PAGR1: variants seen among roughly 807,000 people sequenced by gnomAD.
PAGR1 encodes PAXIP1 associated glutamate rich protein 1, also known as PAXIP1-associated glutamate-rich protein 1.
PAGR1 carries 20 observed loss-of-function variants against 22.4 expected under a neutral mutation model. That is an observed-to-expected ratio of 0.89 (90% CI 0.63 to 1.30). The LOEUF (loss-of-function observed/expected upper bound fraction) is 1.30, where lower values mean the gene tolerates loss of function less well. PAGR1 is among the 50% of genes most tolerant of loss of function. PAGR1 has a pLI of 0.00. For missense variants in PAGR1, 338 were observed against 343.6 expected (o/e 0.98, Z 0.13); for synonymous variants, 161 against 148.3 (o/e 1.09, Z -0.62).
chr16:29,816,630 T>C lies in PAGR1; in HGVS notation c.105T>C (p.Asp35=). 6.5e-7 allele frequency: 1 copy of C among 1,533,012 alleles called. No individual in the cohort carries two copies. The highest frequency in any genetic ancestry group is 8.7e-7 in the Non-Finnish European group (1 of 1,143,818). The allele number at this position is 1,533,012 out of a possible 1,614,324, so 95.0% of individuals were successfully genotyped here. The change falls in exon 1 of 3, where the codon GAT becomes GAC. Residue 35 remains aspartate (D), a synonymous_variant. Coordinates refer to ENST00000320330, the MANE Select transcript of PAGR1 (RefSeq NM_024516.4). Reference sequence around the variant, plus strand: ...GCCTCCAGGCTCTGGCCGTGGAGGATACCGGAGGCCCCTCTGCCTCGGCCG... The same window carrying C: ...GCCTCCAGGCTCTGGCCGTGGAGGACACCGGAGGCCCCTCTGCCTCGGCCG... ...TSGLQALAVE[D]TGGPSASAGK...
chr16:29,817,410 GGA>G (rs1900273072), intron 2 of PAGR1, 118 bp downstream of exon 2: 6 of 875,212 alleles, frequency 6.9e-6, no homozygotes, highest in Admixed American at 4.1e-5. Context: ...TACAGCTGCA[GGA>G]GAGAGTATTC....
intron 1 of PAGR1, 38 bp from the exon 2 acceptor site, chr16:29,817,172 G>T: frequency 6.2e-7 from 1 of 1,613,180 alleles, no homozygotes; most frequent in South Asian, 1.1e-5. Flanking sequence ...GTGGGAGGGA[G>T]GACCGCCCTC....
intron 1 of PAGR1, 60 bp downstream of exon 1, chr16:29,817,067 G>T (rs1168736472): frequency 6.4e-7 from 1 of 1,555,604 alleles, no homozygotes. Flanking sequence ...GGAGGAAATA[G>T]GGAGGGGAAA....
rs780031691 is a variant in PAGR1 at position 29,816,962 on chromosome 16, A to C, written c.437A>C (p.Glu146Ala). 6.4e-7 allele frequency: 1 copy of C among 1,571,312 alleles called. No individual in the cohort carries two copies. The highest frequency in any genetic ancestry group is 8.6e-7 in the Non-Finnish European group (1 of 1,160,378). Residue 146 changes from glutamate to alanine, a missense_variant, in exon 1 of 3, where the codon GAG becomes GCG. Glu to Ala is a moderately radical substitution (Grantham distance 107). Around this residue, in one of 3 missense-constraint regions of PAGR1, gnomAD observed 235 missense variants for 216.0 expected, o/e 1.09. Transcript: ENST00000320330. ...ACGCCGGAGGCCCAGAGCGAAGAGGAGAGATCCGATGAGGAGCCGGAGGCC... is the reference window on the plus strand; with the variant it reads ...ACGCCGGAGGCCCAGAGCGAAGAGGCGAGATCCGATGAGGAGCCGGAGGCC... ...PPTPEAQSEE[E>A]RSDEEPEAKE...
At position 29,819,622 on chromosome 16, in the gene PAGR1, C is replaced by T. The variant is rs1900319885; in HGVS notation, c.633C>T (p.His211=). Residue 211 remains histidine (H), a synonymous_variant, in exon 3 of 3, where the codon CAC becomes CAT. Transcript: ENST00000320330. The stretch of plus-strand genomic sequence containing the variant: ...AGGTGCTGTCGGACATGAAGAGACA[C>T]AAGAAGCTGGAGGAGCAGATCCTTC... ...LDKVLSDMKR[H]KKLEEQILRT... The T allele has an allele frequency of 6.2e-7, 1 of 1,614,140 alleles. No homozygotes were observed. The highest frequency in any genetic ancestry group is 8.5e-7 in the Non-Finnish European group (1 of 1,180,038).
chr16:29,822,116 C>T lies in PAGR1; in HGVS notation c.*2362C>T, dbSNP rs1346546668. On this transcript the variant is annotated 3_prime_UTR_variant, in exon 3 of 3. Coordinates refer to ENST00000320330, the MANE Select transcript of PAGR1 (RefSeq NM_024516.4). Reference sequence around the variant, plus strand: ...TTTTTTTTTTTTTAAAGAATTATAGCTCAGTCCTATGATTAGGCAAGTTGA... The same window carrying T: ...TTTTTTTTTTTTTAAAGAATTATAGTTCAGTCCTATGATTAGGCAAGTTGA... Among the ~76,000 whole-genome samples the T allele has an allele frequency of 6.7e-6, 1 of 149,282 alleles. No homozygotes were observed. Among genetic ancestry groups the T allele is most frequent in the South Asian group, 2.1e-4 (1 of 4,708 alleles).
rs186508885 is a variant in PAGR1, at chr16:29,818,718, C to T, written c.566-837C>T. On this transcript the variant is annotated intron_variant, in intron 2 of 2. Coordinates refer to ENST00000320330, the MANE Select transcript of PAGR1 (RefSeq NM_024516.4). ...CTGGGATTACAAGGACACGTCACCA[C>T]GCCTAGCTAATTTTTGTATTTTCTA... Among the ~76,000 whole-genome samples, 247 of 152,248 alleles carry T rather than the reference C, an allele frequency of 1.6e-3. 1 individual carries two copies. The highest frequency in any genetic ancestry group is 6.1e-3 in the Admixed American group (93 of 15,288).
Position 29,822,445 on chromosome 16 carries a change from A to G in PAGR1, c.*2691A>G, listed in dbSNP as rs1443582952. 1.3e-5 allele frequency: 2 copies of G among 152,194 alleles called. No individual in the cohort carries two copies. The highest frequency in any genetic ancestry group is 1.9e-4 in the East Asian group (1 of 5,200). The allele number at this position is 152,194 out of a possible 1,614,324, so 9.4% of individuals were successfully genotyped here. A position where few individuals can be genotyped will look rare whatever the true frequency, so the allele number is the denominator to read the frequency against. Reference sequence around the variant, plus strand: ...TGGCAATTCCTGAGTCATGTGACCCATTCTCTAAAGACTAGAATATTTAAC... The same window carrying G: ...TGGCAATTCCTGAGTCATGTGACCCGTTCTCTAAAGACTAGAATATTTAAC... On this transcript the variant is annotated 3_prime_UTR_variant, in exon 3 of 3. Transcript: ENST00000320330.
chr16:29,819,059 G>A (rs1365305245), intron 2 of PAGR1, among the ~76,000 whole-genome samples: 3 of 151,844 alleles, frequency 2.0e-5, no homozygotes, highest in Non-Finnish European at 4.4e-5. Flanking sequence ...GCAGTAGTGC[G>A]ATCTTGGCTC....
At position 29,816,951 on chromosome 16, in the gene PAGR1, G is replaced by T; in HGVS notation, c.426G>T (p.Gln142His). 1.3e-6 allele frequency: 2 copies of T among 1,571,434 alleles called. No individual in the cohort carries two copies. Among genetic ancestry groups the T allele is most frequent in the South Asian group, 1.2e-5 (1 of 86,380 alleles). ...GCCGGCCTCCCACGCCGGAGGCCCA[G>T]AGCGAAGAGGAGAGATCCGATGAGG... ...LPRRPPTPEA[Q>H]SEEERSDEEP... Residue 142 changes from glutamine (Q) to histidine (H), a missense_variant, in exon 1 of 3, where the codon CAG becomes CAT. By Grantham distance (24) the Gln-to-His change is conservative. Transcript: ENST00000320330.
At position 29,816,354 on chromosome 16, in the gene PAGR1, T is replaced by C. The variant is rs1567382648; in HGVS notation, c.-172T>C. The stretch of plus-strand genomic sequence containing the variant: ...AACCTCGATCTCCGGGGCGGGGTCC[T>C]TGGTGGGGACTGAGCGCCCCCTCCC... On this transcript the variant is annotated 5_prime_UTR_variant, in exon 1 of 3. Coordinates refer to ENST00000320330, the MANE Select transcript of PAGR1 (RefSeq NM_024516.4). 3 of 566,390 alleles carry C rather than the reference T, an allele frequency of 5.3e-6. No homozygotes were observed. The highest frequency in any genetic ancestry group is 8.1e-6 in the Non-Finnish European group (3 of 369,464). 35.1% of individuals were successfully genotyped at this position (566,390 alleles called of 1,614,324 possible). A position where few individuals can be genotyped will look rare whatever the true frequency, so the allele number is the denominator to read the frequency against.
At position 29,816,509 on chromosome 16, in the gene PAGR1, C is replaced by T. The variant is rs773935759; in HGVS notation, c.-17C>T. 1.5e-5 allele frequency: 23 copies of T among 1,492,418 alleles called. No individual in the cohort carries two copies. The East Asian group carries it at 4.4e-4, about 29-fold the overall frequency. 92.4% of individuals were successfully genotyped at this position (1,492,418 alleles called of 1,614,324 possible). On this transcript the variant is annotated 5_prime_UTR_variant, in exon 1 of 3. Coordinates refer to ENST00000320330, the MANE Select transcript of PAGR1 (RefSeq NM_024516.4). ...ACTCCAGTATCTGTCGTCGCAGGGT[C>T]CCTGCCCTAGTGGCCTATGTCCCTT...
At chr16:29,819,314 C>T in intron 2 of PAGR1, 1 of 543,802 alleles carries the variant, frequency 1.8e-6, no homozygotes, top group Non-Finnish European at 3.3e-6. Context: ...GGGCCTCTAC[C>T]CTTGCCATTC....
rs1178904131 is a variant in PAGR1 at position 29,816,927 on chromosome 16, C to G, written c.402C>G (p.Arg134=). ...AGCTGCAAGCCGAGATCCTGCCCCG[C>G]CGGCCTCCCACGCCGGAGGCCCAGA... The part of the protein sequence containing the change: ...TLELQAEILP[R]RPPTPEAQSE... Residue 134 remains arginine (R), a synonymous_variant, in exon 1 of 3, where the codon CGC becomes CGG. Coordinates refer to ENST00000320330, the MANE Select transcript of PAGR1 (RefSeq NM_024516.4). 1 of 1,573,864 alleles carries G rather than the reference C, an allele frequency of 6.4e-7. No individual in the cohort carries two copies. Among genetic ancestry groups the G allele is most frequent in the Admixed American group, 1.8e-5 (1 of 54,482 alleles).
At position 29,819,491 on chromosome 16, in the gene PAGR1, T is replaced by C. The variant is rs58264952; in HGVS notation, c.566-64T>C. ...CCAGCTCCCCAAGTGATGAGTGAGG[T>C]CCAGGCAGGTATGGTGTACACCACC... is the stretch of plus-strand genomic sequence containing the variant. On this transcript the variant is annotated intron_variant, in intron 2 of 2. Transcript: ENST00000320330. The C allele has an allele frequency of 3.8e-3, 5,920 of 1,548,530 alleles. 212 individuals carry two copies. The African/African-American group carries it at 0.071, about 19-fold the overall frequency.
chr16:29,816,579 G>C lies in PAGR1; in HGVS notation c.54G>C (p.Leu18=), dbSNP rs769936733. The stretch of plus-strand genomic sequence containing the variant: ...CTGCGGCCAGTACGGCGGCGCCTCT[G>C]TCTGAAGAAGGGGAAGTGACCTCCG... ...GDTAASTAAP[L]SEEGEVTSGL... Residue 18 remains leucine, a synonymous_variant, in exon 1 of 3, where the codon CTG becomes CTC. Transcript: ENST00000320330. 1 of 1,513,756 alleles carries C rather than the reference G, an allele frequency of 6.6e-7. No individual in the cohort carries two copies. The highest frequency in any genetic ancestry group is 2.3e-5 in the East Asian group (1 of 43,904). 93.8% of individuals were successfully genotyped at this position (1,513,756 alleles called of 1,614,324 possible).
Position 29,816,921 on chromosome 16 carries a change from G to T in PAGR1, c.396G>T (p.Leu132=). 1 of 1,564,096 alleles carries T rather than the reference G, an allele frequency of 6.4e-7. No individual in the cohort carries two copies. Residue 132 remains leucine, a synonymous_variant, in exon 1 of 3, where the codon CTG becomes CTT. Transcript: ENST00000320330. ...CTCTGGAGCTGCAAGCCGAGATCCTGCCCCGCCGGCCTCCCACGCCGGAGG... is the reference window on the plus strand; with the variant it reads ...CTCTGGAGCTGCAAGCCGAGATCCTTCCCCGCCGGCCTCCCACGCCGGAGG... ...HGTLELQAEI[L]PRRPPTPEAQ... is the part of the protein sequence containing the mutation.
chr16:29,819,346 C>T (rs764944325), intron 2 of PAGR1: 24 of 601,326 alleles, frequency 4.0e-5, no homozygotes, highest in South Asian at 8.0e-5. Flanking sequence ...ATGTTCCTCC[C>T]TGTTCTTCAC....
At chr16:29,817,997 C>T (rs572850260) in intron 2 of PAGR1, 1 of 152,144 alleles carries the variant, frequency 6.6e-6, no homozygotes, top group Non-Finnish European at 1.5e-5. Context: ...TTTAAAAAAA[C>T]AACTAGTCAT....
Sources: allele counts gnomAD v4.1 joint callset (sites outside exome capture counted in the v4.1 genomes callset), GRCh38; gene constraint gnomAD v4.1.1; regional missense constraint gnomAD v4.1.1; transcripts MANE v1.5; gene names NCBI Gene and HGNC (gene_info 2026-07-23, HGNC 2026-07-21).